SSH1: variants seen among roughly 807,000 people sequenced by gnomAD.
SSH1 encodes slingshot protein phosphatase 1.
Under a neutral mutation model 79.7 loss-of-function variants are expected in SSH1, and 43 were observed. The ratio of observed to expected loss-of-function variants is 0.54; its 90% CI spans 0.42 to 0.70. The LOEUF is 0.70. SSH1 is among the 30% of genes least tolerant of loss of function. The probability of loss-of-function intolerance (pLI) is 0.00; values close to 1 mark genes in which losing one functional copy is unlikely to be tolerated. For missense variants in SSH1, 1,206 were observed against 1,358.8 expected (o/e 0.89, Z 1.77); for synonymous variants, 599 against 538.3 (o/e 1.11, Z -1.56).
chr12:108,854,919 C>T (rs543437754), intron 1 of SSH1, among the ~76,000 whole-genome samples: 1 of 152,242 alleles, frequency 6.6e-6, no homozygotes, highest in Admixed American at 6.5e-5. Context: ...CTCAACACAT[C>T]TGAACGAGGG....
chr12:108,823,177 G>A, intron 3 of SSH1, 81 bp downstream of exon 3: 1 of 1,378,906 alleles, frequency 7.3e-7, no homozygotes, highest in Non-Finnish European at 1.0e-6. Flanking sequence ...TTCAAACTCA[G>A]CAACATCACC....
intron 4 of SSH1, chr12:108,817,380 C>A (rs1244987957): frequency 7.7e-6 from 4 of 517,814 alleles, no homozygotes; most frequent in Admixed American, 2.8e-5. Flanking sequence ...TCGAGACCAG[C>A]CTGGCCAACA....
At chr12:108,812,947 C>T (rs1392847792) in intron 5 of SSH1, among the ~76,000 whole-genome samples, 2 of 151,464 alleles carry the variant, frequency 1.3e-5, no homozygotes, top group African/African-American at 4.9e-5. Flanking sequence ...ACTGCAGCCT[C>T]GACCTCCAGG....
intron 3 of SSH1, among the ~76,000 whole-genome samples, chr12:108,822,454 A>G (rs1043694009): frequency 6.8e-6 from 1 of 146,662 alleles, no homozygotes; most frequent in African/African-American, 2.5e-5. Context: ...TTTTGTTGTT[A>G]TTGTTTTTAA....
In SSH1 at chr12:108,807,484, C is replaced by T. The variant is rs2037341716; in HGVS notation, c.731+149G>A. On this transcript the variant is annotated intron_variant, in intron 8 of 14. Transcript: ENST00000326495. This position sits in a 1 kb window ranked among gnomAD's most constrained non-coding sequence, Gnocchi z 5.2. ...CTGTGTCACAGACCCCTGCTTTAAA[C>T]GCTGGTTCTGAGAAAGCTAGGGTTC... The T allele has an allele frequency of 6.0e-6, 4 of 662,840 alleles. No homozygotes were observed. The highest frequency in any genetic ancestry group is 1.8e-5 in the South Asian group (1 of 55,772). 41.1% of individuals were successfully genotyped at this position (662,840 alleles called of 1,614,324 possible).
At chr12:108,809,882 T>A (rs866059946) in intron 6 of SSH1, 124 bp from the exon 7 acceptor site, 6 of 822,662 alleles carry the variant, frequency 7.3e-6, no homozygotes, top group Non-Finnish European at 1.3e-5. Context: ...TCAGGCCACA[T>A]GATGAGGGAT....
Position 108,830,312 on chromosome 12 carries a change from C to T in SSH1, c.111-6951G>A, listed in dbSNP as rs181017009. 2.0e-5 allele frequency among the ~76,000 whole-genome samples: 3 copies of T among 152,146 alleles called. No homozygotes were observed. The East Asian group carries it at 5.8e-4, about 29-fold the overall frequency. On this transcript the variant is annotated intron_variant, in intron 2 of 14. Coordinates refer to ENST00000326495, the MANE Select transcript of SSH1 (RefSeq NM_018984.4). The stretch of plus-strand genomic sequence containing the variant: ...ACTAAAAATACAAAAATTAGCTGAG[C>T]GTGGTGACGCACACTTGTAGTCCCA...
rs1330977329 is a variant in SSH1 at position 108,792,631 on chromosome 12, GTC to G, written c.1546_1547del (p.Asp516ProfsTer7). On this transcript the variant is annotated frameshift_variant, in exon 14 of 15. Coordinates refer to ENST00000326495, the MANE Select transcript of SSH1 (RefSeq NM_018984.4). LOFTEE classifies it high-confidence loss of function. ...PLPCCFRRLS[D>X]PLLPSPEDET... ...CATCCTCAGGGGAAGGCAGAAGGGGGTCTGAGAGTCGCCGGAAACAGCAGGGG... is the reference window on the plus strand; with the variant it reads ...CATCCTCAGGGGAAGGCAGAAGGGGGTGAGAGTCGCCGGAAACAGCAGGGG... The G allele has an allele frequency of 6.2e-7, 1 of 1,611,960 alleles. No individual in the cohort carries two copies. Among genetic ancestry groups the G allele is most frequent in the Non-Finnish European group, 8.5e-7 (1 of 1,179,636 alleles).
Position 108,807,475 on chromosome 12 carries a change from T to C in SSH1, c.731+158A>G, listed in dbSNP as rs566037972. The C allele has an allele frequency of 7.8e-6, 5 of 640,248 alleles. No individual in the cohort carries two copies. The highest frequency in any genetic ancestry group is 2.7e-5 in the East Asian group (1 of 37,536). 39.7% of individuals were successfully genotyped at this position (640,248 alleles called of 1,614,324 possible). A position where few individuals can be genotyped will look rare whatever the true frequency, so the allele number is the denominator to read the frequency against. ...GACAGGGGCCTGTGTCACAGACCCC[T>C]GCTTTAAACGCTGGTTCTGAGAAAG... On this transcript the variant is annotated intron_variant, in intron 8 of 14. Coordinates refer to ENST00000326495, the MANE Select transcript of SSH1 (RefSeq NM_018984.4). The surrounding 1 kb of genome is among the most constrained non-coding windows in gnomAD (Gnocchi z 5.2).
chr12:108,787,799 C>A lies in SSH1; in HGVS notation c.*189G>T, dbSNP rs1592994423. 11 of 736,070 alleles carry A rather than the reference C, an allele frequency of 1.5e-5. No individual in the cohort carries two copies. The East Asian group carries it at 2.7e-4, about 18-fold the overall frequency. 45.6% of individuals were successfully genotyped at this position (736,070 alleles called of 1,614,324 possible). On this transcript the variant is annotated 3_prime_UTR_variant, in exon 15 of 15. Transcript: ENST00000326495. ...TTCTCCCAGGCCACACGACTGACAG[C>A]TCCCCTTCTTGTGCTGCATGTTGGT...
chr12:108,839,163 G>C (rs2038715493), intron 2 of SSH1, among the ~76,000 whole-genome samples: 1 of 152,204 alleles, frequency 6.6e-6, no homozygotes, highest in Admixed American at 6.5e-5. Context: ...CACATGGGCT[G>C]AATGGAAAAA....
intron 6 of SSH1, among the ~76,000 whole-genome samples, chr12:108,810,565 A>G (rs1280430742): frequency 6.6e-6 from 1 of 152,184 alleles, no homozygotes; most frequent in Non-Finnish European, 1.5e-5. Flanking sequence ...TAAAATTAAA[A>G]AGGAAAAATA....
intron 12 of SSH1, among the ~76,000 whole-genome samples, chr12:108,800,337 T>C (rs1310499403): frequency 6.6e-6 from 1 of 152,072 alleles, no homozygotes; most frequent in African/African-American, 2.4e-5. Context: ...AGAAGGGCCG[T>C]ATTCTTAGGG....
At chr12:108,852,045 T>C (rs1360120085) in intron 2 of SSH1, among the ~76,000 whole-genome samples, 1 of 152,082 alleles carries the variant, frequency 6.6e-6, no homozygotes, top group East Asian at 1.9e-4. Context: ...TTGTCTCTAT[T>C]AGAAAATAAT....
chr12:108,801,791 C>T (rs2037020687), intron 11 of SSH1, among the ~76,000 whole-genome samples: 1 of 145,280 alleles, frequency 6.9e-6, no homozygotes, highest in African/African-American at 2.6e-5. Flanking sequence ...TAGATTGAAA[C>T]ATTTTTCATC....
chr12:108,853,956 G>A (rs1020603035), intron 1 of SSH1, among the ~76,000 whole-genome samples: 1 of 151,206 alleles, frequency 6.6e-6, no homozygotes, highest in South Asian at 2.1e-4. Context: ...CAGAGGGCCT[G>A]GGAGTCCCTA....
intron 2 of SSH1, among the ~76,000 whole-genome samples, chr12:108,836,699 G>A (rs1593115865): frequency 6.6e-6 from 1 of 152,318 alleles, no homozygotes; most frequent in East Asian, 1.9e-4. Flanking sequence ...AATGATGAAG[G>A]GGAAAAGAAT....
intron 2 of SSH1, among the ~76,000 whole-genome samples, chr12:108,824,013 T>C (rs1418641861): frequency 6.6e-6 from 1 of 152,274 alleles, no homozygotes; most frequent in Non-Finnish European, 1.5e-5. Flanking sequence ...GAGAGGGCAG[T>C]CTACTTTGTG....
At chr12:108,848,084 ACCAACGCCG>A (rs1290074057) in intron 2 of SSH1, among the ~76,000 whole-genome samples, 12 of 152,174 alleles carry the variant, frequency 7.9e-5, no homozygotes, top group African/African-American at 2.9e-4. Flanking sequence ...TGGAAAGGCC[ACCAACGCCG>A]GTGACGCTGG....
Sources: gnomAD v4.1 joint callset for allele counts (sites outside exome capture counted in the v4.1 genomes callset) on GRCh38, gnomAD v4.1.1 for gene constraint, Gnocchi (gnomAD v3.1) non-coding constraint, MANE v1.5 for transcripts, NCBI Gene and HGNC (gene_info 2026-07-23, HGNC 2026-07-21) for gene names.